BACH2: variants seen among roughly 807,000 people sequenced by gnomAD.
BACH2 encodes the protein transcription regulator protein BACH2.
Under a neutral mutation model 61.8 loss-of-function variants are expected in BACH2, and 5 were observed. The observed-to-expected ratio is 0.08, with a 90% confidence interval of 0.04 to 0.17. BACH2 has a LOEUF of 0.17. Among genes scored for constraint, BACH2 ranks in the 10% least tolerant of loss-of-function variants. BACH2 has a pLI of 1.00. For synonymous variants in BACH2, 446 were observed against 440.1 expected, an observed-to-expected ratio of 1.01 and a Z score of -0.17; for missense variants, 824 against 1,091.1, an observed-to-expected ratio of 0.76 and a Z score of 3.45.
In BACH2 at chr6:90,295,152, C is replaced by G. The variant is rs928482814; in HGVS notation, c.-446+1328G>C. ...GCGGGTGGGGCGCCCCGGTCCCTCT[C>G]GTTTCCTGGAGGCCACAGGTCACGG... On this transcript the variant is annotated intron_variant, in intron 1 of 8. Transcript: ENST00000257749. Among the ~76,000 whole-genome samples the G allele has an allele frequency of 3.9e-5, 6 of 152,108 alleles. No individual in the cohort carries two copies. In the East Asian group the frequency reaches 7.8e-4, roughly 20 times the overall value.
chr6:90,123,534 G>C (rs1783718509), intron 4 of BACH2, among the ~76,000 whole-genome samples: 1 of 151,732 alleles, frequency 6.6e-6, no homozygotes, highest in African/African-American at 2.4e-5. Context: ...ACTTTGGGAG[G>C]CCGAGGCGGG....
chr6:90,064,246 T>C (rs1398780557), intron 5 of BACH2, among the ~76,000 whole-genome samples: 1 of 152,152 alleles, frequency 6.6e-6, no homozygotes, highest in Non-Finnish European at 1.5e-5. Flanking sequence ...GAAATAACTT[T>C]CAGTAGGGTC....
intron 1 of BACH2, among the ~76,000 whole-genome samples, chr6:90,283,713 A>T (rs1771931312): frequency 6.6e-6 from 1 of 151,324 alleles, no homozygotes; most frequent in South Asian, 2.1e-4. Context: ...TTTTATAAGA[A>T]TTTTTTAGGT....
At chr6:90,030,176 C>T (rs376135905) in intron 5 of BACH2, among the ~76,000 whole-genome samples, 6 of 152,158 alleles carry the variant, frequency 3.9e-5, no homozygotes, top group East Asian at 1.9e-4. Flanking sequence ...CTTATGTCCA[C>T]GGCCTATCTC....
intron 5 of BACH2, among the ~76,000 whole-genome samples, chr6:90,078,737 C>A (rs1478893728): frequency 1.3e-5 from 2 of 152,116 alleles, no homozygotes; most frequent in Non-Finnish European, 2.9e-5. Flanking sequence ...CTTCTGTTCC[C>A]ATTTTCAAAT....
intron 3 of BACH2, among the ~76,000 whole-genome samples, chr6:90,207,226 C>T (rs1769179337): frequency 6.6e-6 from 1 of 152,054 alleles, no homozygotes; most frequent in Non-Finnish European, 1.5e-5. Context: ...TACAGTGATC[C>T]TCCCACCTCA....
chr6:90,117,703 A>G (rs1292724808), intron 4 of BACH2, among the ~76,000 whole-genome samples: 2 of 152,154 alleles, frequency 1.3e-5, no homozygotes, highest in African/African-American at 4.8e-5. Context: ...GAATCCCATC[A>G]AAGACAAAAC....
chr6:90,189,390 T>C (rs971985515), intron 4 of BACH2, among the ~76,000 whole-genome samples: 2 of 151,254 alleles, frequency 1.3e-5, no homozygotes, highest in African/African-American at 2.4e-5. Flanking sequence ...GGGTGGATCA[T>C]GAGGTCAGGA....
intron 6 of BACH2, among the ~76,000 whole-genome samples, chr6:90,007,499 G>A (rs1462311262): frequency 6.6e-6 from 1 of 152,054 alleles, no homozygotes; most frequent in Non-Finnish European, 1.5e-5. Flanking sequence ...ATGCCTTTTG[G>A]TGGAGCAGGT....
intron 5 of BACH2, among the ~76,000 whole-genome samples, chr6:90,046,756 T>C (rs1779797598): frequency 6.6e-6 from 1 of 152,050 alleles, no homozygotes; most frequent in Non-Finnish European, 1.5e-5. Context: ...CAAGTTCAAG[T>C]TTACGAGCAT....
At chr6:90,107,143 G>A (rs1782956132) in intron 4 of BACH2, among the ~76,000 whole-genome samples, 2 of 152,172 alleles carry the variant, frequency 1.3e-5, no homozygotes. Flanking sequence ...GGAGGCCGAG[G>A]CGGGTGGATC....
At chr6:90,018,542 TA>T (rs1160863983) in intron 5 of BACH2, among the ~76,000 whole-genome samples, 36 of 152,332 alleles carry the variant, frequency 2.4e-4, no homozygotes, top group African/African-American at 6.3e-4. Context: ...GGAGAAAGGG[TA>T]AATCTAGAAC....
At chr6:90,243,592 C>A (rs1490110514) in intron 3 of BACH2, among the ~76,000 whole-genome samples, 1 of 152,186 alleles carries the variant, frequency 6.6e-6, no homozygotes, top group African/African-American at 2.4e-5. Context: ...ACATAACGTT[C>A]ATTCCTTATT....
intron 5 of BACH2, among the ~76,000 whole-genome samples, chr6:90,087,368 AT>A (rs1353688207): frequency 6.6e-6 from 1 of 152,194 alleles, no homozygotes; most frequent in Non-Finnish European, 1.5e-5. Context: ...CACTCATACT[AT>A]TTTTACACTC....
chr6:89,956,266 T>C (rs920086902), intron 6 of BACH2, among the ~76,000 whole-genome samples: 14 of 152,146 alleles, frequency 9.2e-5, no homozygotes, highest in African/African-American at 2.9e-4. Flanking sequence ...GGATCACACA[T>C]TGGGGCCAGA....
intron 4 of BACH2, among the ~76,000 whole-genome samples, chr6:90,169,418 T>C (rs1489367893): frequency 2.0e-5 from 3 of 152,168 alleles, no homozygotes; most frequent in Non-Finnish European, 4.4e-5. Context: ...ACTCCTCCTA[T>C]TCTGACCCCC....
At chr6:90,196,394 G>C (rs887703733) in intron 4 of BACH2, among the ~76,000 whole-genome samples, 1 of 152,168 alleles carries the variant, frequency 6.6e-6, no homozygotes, top group South Asian at 2.1e-4. Flanking sequence ...ATTAAAGTCT[G>C]TATTTAGCAG....
chr6:90,295,289 C>T (rs904125947), intron 1 of BACH2, among the ~76,000 whole-genome samples: 1 of 152,232 alleles, frequency 6.6e-6, no homozygotes, highest in East Asian at 1.9e-4. Context: ...AACTCGCCTA[C>T]GCGCGGGAGA....
Position 89,938,151 on chromosome 6 carries a change from C to A in BACH2, c.2036G>T (p.Arg679Leu). Residue 679 changes from arginine to leucine, a missense_variant, in exon 8 of 9, where the codon CGC becomes CTC. Transcript: ENST00000257749. The stretch of plus-strand genomic sequence containing the variant: ...ATGGATGGGTCAACTCACCAATTTG[C>A]GGATTTCACATTCTAAATTCTGAAT... Reference protein sequence around the residue: ...DCIQNLECEIRKLVCEKEKLL... With the variant: ...DCIQNLECEILKLVCEKEKLL... The A allele has an allele frequency of 6.2e-7, 1 of 1,612,204 alleles. No homozygotes were observed. Among genetic ancestry groups the A allele is most frequent in the Non-Finnish European group, 8.5e-7 (1 of 1,178,308 alleles).
Sources: allele counts gnomAD v4.1 joint callset (sites outside exome capture counted in the v4.1 genomes callset), GRCh38; gene constraint gnomAD v4.1.1; transcripts MANE v1.5; gene names NCBI Gene and HGNC (gene_info 2026-07-23, HGNC 2026-07-21).